Variants in CARMIL1 observed in about 807,000 individuals in gnomAD.
The protein encoded by CARMIL1 is capping protein regulator and myosin 1 linker 1, also known as F-actin-uncapping protein LRRC16A.
CARMIL1 carries 90 observed loss-of-function variants against 177.1 expected under a neutral mutation model. The ratio of observed to expected loss-of-function variants is 0.51; its 90% CI spans 0.43 to 0.61. The LOEUF (loss-of-function observed/expected upper bound fraction) is 0.61, where lower values mean the gene tolerates loss of function less well. CARMIL1 is among the 20% of genes least tolerant of loss of function. The probability of loss-of-function intolerance (pLI) is 0.00; values close to 1 mark genes in which losing one functional copy is unlikely to be tolerated. For missense variants in CARMIL1, 1,380 were observed against 1,667.0 expected, an observed-to-expected ratio of 0.83 and a Z score of 3.00; for synonymous variants, 577 against 606.2, an observed-to-expected ratio of 0.95 and a Z score of 0.71.
At chr6:25,427,449 C>T (rs556912312) in intron 4 of CARMIL1, among the ~76,000 whole-genome samples, 8 of 152,228 alleles carry the variant, frequency 5.3e-5, no homozygotes, top group African/African-American at 1.9e-4. Context: ...TTCGTTTATC[C>T]ATTCGCCTGA....
intron 16 of CARMIL1, among the ~76,000 whole-genome samples, chr6:25,497,413 G>C (rs1803843476): frequency 6.6e-6 from 1 of 152,144 alleles, no homozygotes; most frequent in South Asian, 2.1e-4. Flanking sequence ...GGTTTCCTGA[G>C]CATCTGACTT....
At chr6:25,425,971 T>C (rs1426187404) in intron 3 of CARMIL1, among the ~76,000 whole-genome samples, 1 of 152,118 alleles carries the variant, frequency 6.6e-6, no homozygotes, top group Non-Finnish European at 1.5e-5. Flanking sequence ...GTGTAACAAA[T>C]AGCTGAAGGT....
At chr6:25,464,513 T>C (rs1388064917) in intron 8 of CARMIL1, among the ~76,000 whole-genome samples, 2 of 152,194 alleles carry the variant, frequency 1.3e-5, no homozygotes, top group Non-Finnish European at 2.9e-5. Context: ...TGAGATAATA[T>C]TGATTCTCAG....
In CARMIL1 at chr6:25,529,755, CAAAAAAAAA is replaced by C. The variant is rs70977217; in HGVS notation, c.2067+884_2067+892del. 5.4e-4 allele frequency among the ~76,000 whole-genome samples: 18 copies of C among 33,570 alleles called. 1 individual carries two copies. Among genetic ancestry groups the C allele is most frequent in the African/African-American group, 8.5e-4 (9 of 10,610 alleles). The allele number at this position is 33,570 out of a possible 152,430, so 22.0% of individuals were successfully genotyped here. ...GGGCGACAGAGCGAGACTCCGTCTC[CAAAAAAAAA>C]AAAAAAAAAAAAAAAAAAAAAGAAT... is the stretch of plus-strand genomic sequence containing the variant. On this transcript the variant is annotated intron_variant, in intron 24 of 36. Coordinates refer to ENST00000329474, the MANE Select transcript of CARMIL1 (RefSeq NM_017640.6).
At chr6:25,567,609 T>G (rs1226157414) in intron 29 of CARMIL1, among the ~76,000 whole-genome samples, 1 of 152,206 alleles carries the variant, frequency 6.6e-6, no homozygotes, top group African/African-American at 2.4e-5. Flanking sequence ...TAACCAAATA[T>G]TCTCTGAGAT....
chr6:25,604,124 T>G (rs1033797729), intron 33 of CARMIL1, among the ~76,000 whole-genome samples: 1 of 152,180 alleles, frequency 6.6e-6, no homozygotes, highest in African/African-American at 2.4e-5. Context: ...CAGGCTGGAG[T>G]GCATTGGCAC....
At chr6:25,553,683 A>C (rs1213516748) in intron 27 of CARMIL1, among the ~76,000 whole-genome samples, 1 of 152,156 alleles carries the variant, frequency 6.6e-6, no homozygotes, top group African/African-American at 2.4e-5. Context: ...ATGTCAATGG[A>C]TGAATTGTTC....
At chr6:25,440,244 G>A (rs115894035) in intron 5 of CARMIL1, among the ~76,000 whole-genome samples, 1,761 of 152,330 alleles carry the variant, frequency 0.012, 13 homozygotes, top group Middle Eastern at 0.027. Context: ...AGATGATTGG[G>A]TGTAAGTGGG....
intron 2 of CARMIL1, among the ~76,000 whole-genome samples, chr6:25,332,767 A>ACACACACACG (rs755271602): frequency 1.1e-4 from 15 of 138,464 alleles, no homozygotes; most frequent in Non-Finnish European, 2.1e-4. Context: ...ACACACACAC[A>ACACACACACG]CACACGCGCA....
At chr6:25,610,370 T>C (rs1816407284) in intron 36 of CARMIL1, among the ~76,000 whole-genome samples, 189 bp downstream of exon 36, 1 of 152,178 alleles carries the variant, frequency 6.6e-6, no homozygotes, top group Non-Finnish European at 1.5e-5. Context: ...ATTGATGACA[T>C]TGGATCTTAA....
intron 2 of CARMIL1, among the ~76,000 whole-genome samples, chr6:25,401,230 A>T (rs1331532012): frequency 6.6e-6 from 1 of 152,142 alleles, no homozygotes; most frequent in Non-Finnish European, 1.5e-5. Flanking sequence ...TGTTGCAGGG[A>T]TGCAATTGCT....
intron 2 of CARMIL1, among the ~76,000 whole-genome samples, chr6:25,410,852 G>A (rs1344988545): frequency 6.6e-6 from 1 of 152,042 alleles, no homozygotes; most frequent in Non-Finnish European, 1.5e-5. Flanking sequence ...CTAAGAATAA[G>A]CCCTAATAGG....
chr6:25,300,588 G>T (rs1782780489), intron 2 of CARMIL1, among the ~76,000 whole-genome samples: 1 of 152,238 alleles, frequency 6.6e-6, no homozygotes, highest in South Asian at 2.1e-4. Context: ...GGTAGAGGTT[G>T]CAGTGGGCTG....
At chr6:25,603,772 C>G (rs1311364227) in intron 33 of CARMIL1, among the ~76,000 whole-genome samples, 1 of 152,130 alleles carries the variant, frequency 6.6e-6, no homozygotes, top group Non-Finnish European at 1.5e-5. Flanking sequence ...AAACACCAGA[C>G]TTTGCTTTGT....
chr6:25,414,199 C>G (rs1177939557), intron 2 of CARMIL1, among the ~76,000 whole-genome samples: 2 of 152,152 alleles, frequency 1.3e-5, no homozygotes, highest in Admixed American at 1.3e-4. Context: ...ATCTCTAACT[C>G]TCTAGAGATA....
chr6:25,504,129 GTTC>G (rs1464291439), intron 17 of CARMIL1, among the ~76,000 whole-genome samples: 2 of 151,836 alleles, frequency 1.3e-5, no homozygotes, highest in African/African-American at 4.8e-5. Context: ...TCCAGATTTA[GTTC>G]TTCTCCTGGT....
intron 2 of CARMIL1, among the ~76,000 whole-genome samples, chr6:25,418,380 T>A (rs1795545966): frequency 6.6e-6 from 1 of 152,162 alleles, no homozygotes; most frequent in African/African-American, 2.4e-5. Context: ...CTTGAAATTC[T>A]TAATCATATT....
intron 33 of CARMIL1, among the ~76,000 whole-genome samples, chr6:25,603,261 T>G (rs1445134031): frequency 6.6e-6 from 1 of 152,276 alleles, no homozygotes; most frequent in East Asian, 1.9e-4. Flanking sequence ...CACAGAGGGC[T>G]GGCATGGGAC....
At chr6:25,281,130 GCGCGCGCACACACACACA>G in intron 1 of CARMIL1, among the ~76,000 whole-genome samples, 1 of 97,288 alleles carries the variant, frequency 1.0e-5, no homozygotes, top group South Asian at 3.7e-4. Context: ...GCGCGTGTGC[GCGCGCGCACACACACACA>G]CACACACACA....
Sources: gnomAD v4.1 joint callset for allele counts (sites outside exome capture counted in the v4.1 genomes callset) on GRCh38, gnomAD v4.1.1 for gene constraint, MANE v1.5 for transcripts, NCBI Gene and HGNC (gene_info 2026-07-23, HGNC 2026-07-21) for gene names.